Variants in ANKRD33B observed in about 807,000 individuals in gnomAD.
ANKRD33B encodes the protein ankyrin repeat domain-containing protein 33B.
ANKRD33B carries 6 observed loss-of-function variants against 21.5 expected under a neutral mutation model. The ratio of observed to expected loss-of-function variants is 0.28; its 90% CI spans 0.15 to 0.55. ANKRD33B has a LOEUF of 0.55. Ranked by LOEUF, ANKRD33B falls within the 20% of genes least tolerant of loss-of-function variation. ANKRD33B has a pLI of 0.94. For synonymous variants in ANKRD33B, 347 were observed against 342.4 expected, an observed-to-expected ratio of 1.01 and a Z score of -0.15; for missense variants, 698 against 747.2, an observed-to-expected ratio of 0.93 and a Z score of 0.77.
intron 2 of ANKRD33B, among the ~76,000 whole-genome samples, chr5:10,618,873 A>C (rs1736349659): frequency 6.6e-6 from 1 of 152,104 alleles, no homozygotes; most frequent in Non-Finnish European, 1.5e-5. Flanking sequence ...GTGACTTTGC[A>C]CTTCACCTGT....
At chr5:10,586,019 C>T (rs1735550768) in intron 1 of ANKRD33B, among the ~76,000 whole-genome samples, 1 of 152,242 alleles carries the variant, frequency 6.6e-6, no homozygotes, top group South Asian at 2.1e-4. Flanking sequence ...CAGGCAGCAA[C>T]ATAGGCTGTG....
chr5:10,643,693 G>A (rs907838596), intron 3 of ANKRD33B, among the ~76,000 whole-genome samples: 1 of 151,932 alleles, frequency 6.6e-6, no homozygotes, highest in African/African-American at 2.4e-5. Flanking sequence ...GGTAGCACAA[G>A]CCTGTAATCC....
chr5:10,578,014 T>C (rs374979416), intron 1 of ANKRD33B, among the ~76,000 whole-genome samples: 1 of 152,184 alleles, frequency 6.6e-6, no homozygotes, highest in African/African-American at 2.4e-5. Flanking sequence ...GTGAGGGGCC[T>C]TCAGGAGTGG....
intron 3 of ANKRD33B, among the ~76,000 whole-genome samples, chr5:10,648,980 G>A (rs1207073320): frequency 6.6e-6 from 1 of 152,052 alleles, no homozygotes; most frequent in Non-Finnish European, 1.5e-5. Context: ...AAAATTACCT[G>A]GGCGGTGGTG....
intron 2 of ANKRD33B, among the ~76,000 whole-genome samples, chr5:10,618,774 G>T (rs1736346826): frequency 6.6e-6 from 1 of 152,196 alleles, no homozygotes; most frequent in African/African-American, 2.4e-5. Flanking sequence ...AAGACTGGGG[G>T]TGGCACGAGG....
chr5:10,650,176 C>G lies in ANKRD33B; in HGVS notation c.*63C>G. 1 of 1,394,104 alleles carries G rather than the reference C, an allele frequency of 7.2e-7. No individual in the cohort carries two copies. The highest frequency in any genetic ancestry group is 9.3e-7 in the Non-Finnish European group (1 of 1,078,768). The allele number at this position is 1,394,104 out of a possible 1,614,324, so 86.4% of individuals were successfully genotyped here. A position where few individuals can be genotyped will look rare whatever the true frequency, so the allele number is the denominator to read the frequency against. ...CGGGGCGGGGCCGCAGGGCTGGGCGCGGAGAAGGAGGCGGCCCCGTTGCGC... is the reference window on the plus strand; with the variant it reads ...CGGGGCGGGGCCGCAGGGCTGGGCGGGGAGAAGGAGGCGGCCCCGTTGCGC... On this transcript the variant is annotated 3_prime_UTR_variant, in exon 4 of 4. Coordinates refer to ENST00000296657, the MANE Select transcript of ANKRD33B (RefSeq NM_001164440.2).
chr5:10,611,120 C>T (rs1169502080), intron 1 of ANKRD33B, among the ~76,000 whole-genome samples: 2 of 152,072 alleles, frequency 1.3e-5, no homozygotes, highest in Non-Finnish European at 2.9e-5. Context: ...AAAGCAAAAT[C>T]AGAGCATACA....
chr5:10,603,268 A>T (rs192777716), intron 1 of ANKRD33B, among the ~76,000 whole-genome samples: 1,845 of 147,470 alleles, frequency 0.013, 38 homozygotes, highest in African/African-American at 0.043. Flanking sequence ...CTTAAAAAAA[A>T]TTTTTTTTTT....
In ANKRD33B at chr5:10,584,317, G is replaced by A. The variant is rs140783185; in HGVS notation, c.366+19484G>A. 2.9e-4 allele frequency among the ~76,000 whole-genome samples: 44 copies of A among 152,284 alleles called. 1 individual carries two copies. The highest frequency in any genetic ancestry group is 9.2e-4 in the Admixed American group (14 of 15,300). On this transcript the variant is annotated intron_variant, in intron 1 of 3. Transcript: ENST00000296657. The stretch of plus-strand genomic sequence containing the variant: ...TCCCAGAACTTCGGGAGGCTGAAGT[G>A]GGCTGATCACTTGAGCTTGGGAGTT...
At chr5:10,596,785 G>A (rs1579724164) in intron 1 of ANKRD33B, among the ~76,000 whole-genome samples, 1 of 151,926 alleles carries the variant, frequency 6.6e-6, no homozygotes. Flanking sequence ...AAATGTTAAG[G>A]GCAGCCAGAG....
At chr5:10,618,311 C>T (rs376989142) in intron 1 of ANKRD33B, 22 bp from the exon 2 acceptor site, 59 of 1,536,222 alleles carry the variant, frequency 3.8e-5, no homozygotes, top group South Asian at 2.5e-4. Flanking sequence ...CCCTCTGACC[C>T]GCTTCCCCTC....
intron 1 of ANKRD33B, among the ~76,000 whole-genome samples, chr5:10,590,600 G>A (rs1364721605): frequency 6.3e-5 from 9 of 143,292 alleles, no homozygotes; most frequent in Middle Eastern, 3.5e-3. Flanking sequence ...GCGCGCGCGC[G>A]CGCGCGCGTG....
intron 3 of ANKRD33B, among the ~76,000 whole-genome samples, chr5:10,640,518 T>C (rs1737024627): frequency 6.6e-6 from 1 of 152,258 alleles, no homozygotes; most frequent in African/African-American, 2.4e-5. Context: ...TCGTGCAACC[T>C]CATCGGGTTA....
chr5:10,637,470 G>A (rs1372701826), intron 2 of ANKRD33B, among the ~76,000 whole-genome samples: 11 of 94,766 alleles, frequency 1.2e-4, no homozygotes, highest in African/African-American at 4.5e-4. Flanking sequence ...ACACGGCGGC[G>A]GGGGGAGGGG....
chr5:10,590,305 A>T (rs943690712), intron 1 of ANKRD33B, among the ~76,000 whole-genome samples: 1 of 152,220 alleles, frequency 6.6e-6, no homozygotes, highest in Non-Finnish European at 1.5e-5. Flanking sequence ...AGATTGTGTT[A>T]TCTTGTCCAG....
In ANKRD33B at chr5:10,650,203, T is replaced by A. The variant is rs1400062126; in HGVS notation, c.*90T>A. 1.5e-6 allele frequency: 2 copies of A among 1,318,852 alleles called. No homozygotes were observed. The highest frequency in any genetic ancestry group is 2.9e-5 in the East Asian group (1 of 34,494). 81.7% of individuals were successfully genotyped at this position (1,318,852 alleles called of 1,614,324 possible). A position where few individuals can be genotyped will look rare whatever the true frequency, so the allele number is the denominator to read the frequency against. On this transcript the variant is annotated 3_prime_UTR_variant, in exon 4 of 4. Coordinates refer to ENST00000296657, the MANE Select transcript of ANKRD33B (RefSeq NM_001164440.2). ...GAGAAGGAGGCGGCCCCGTTGCGCA[T>A]CGCACCACTTCCGCTCCATGGACCA...
chr5:10,573,755 T>C (rs1397011220), intron 1 of ANKRD33B, among the ~76,000 whole-genome samples: 1 of 152,086 alleles, frequency 6.6e-6, no homozygotes, highest in East Asian at 1.9e-4. Flanking sequence ...TTGTGAGAAC[T>C]CACTATCATG....
intron 1 of ANKRD33B, among the ~76,000 whole-genome samples, chr5:10,585,729 G>T (rs1735540408): frequency 6.6e-6 from 1 of 152,254 alleles, no homozygotes; most frequent in Non-Finnish European, 1.5e-5. Flanking sequence ...GGGTTACCAT[G>T]CTGGGTGAGG....
At chr5:10,637,462 A>ACGG (rs1553994758) in intron 2 of ANKRD33B, among the ~76,000 whole-genome samples, 5 of 114,580 alleles carry the variant, frequency 4.4e-5, no homozygotes, top group African/African-American at 1.6e-4. Flanking sequence ...ACACACACAC[A>ACGG]CGGCGGCGGG....
Sources: gnomAD v4.1 joint callset for allele counts (sites outside exome capture counted in the v4.1 genomes callset) on GRCh38, gnomAD v4.1.1 for gene constraint, MANE v1.5 for transcripts, NCBI Gene and HGNC (gene_info 2026-07-23, HGNC 2026-07-21) for gene names.